CDH12: variants seen among roughly 807,000 people sequenced by gnomAD.
CDH12 encodes cadherin 12.
CDH12 carries 41 observed loss-of-function variants against 74.1 expected under a neutral mutation model. The ratio of observed to expected loss-of-function variants is 0.55; its 90% CI spans 0.43 to 0.72. The LOEUF (loss-of-function observed/expected upper bound fraction) is 0.72. Ranked by LOEUF, CDH12 falls within the 30% of genes least tolerant of loss-of-function variation. The pLI is 0.00. For synonymous variants in CDH12, 399 were observed against 355.0 expected (o/e 1.12, Z -1.39); for missense variants, 945 against 977.2 (o/e 0.97, Z 0.44).
chr5:22,085,856 C>T (rs1743028192), intron 4 of CDH12, among the ~76,000 whole-genome samples: 1 of 152,090 alleles, frequency 6.6e-6, no homozygotes, highest in Admixed American at 6.6e-5. Flanking sequence ...GTATGAAATG[C>T]ATTATAATCA....
chr5:22,032,336 G>A (rs1416606581), intron 5 of CDH12, among the ~76,000 whole-genome samples: 1 of 152,100 alleles, frequency 6.6e-6, no homozygotes, highest in Admixed American at 6.6e-5. Context: ...TATATTAAGT[G>A]TAGGCGATTC....
chr5:22,770,268 C>A (rs980856311), intron 1 of CDH12, among the ~76,000 whole-genome samples: 15 of 152,196 alleles, frequency 9.9e-5, no homozygotes, highest in Admixed American at 7.2e-4. Flanking sequence ...TACAGTAGGA[C>A]AACAGATTAA....
intron 12 of CDH12, among the ~76,000 whole-genome samples, chr5:21,764,546 G>T (rs1372395969): frequency 6.6e-6 from 1 of 151,358 alleles, no homozygotes; most frequent in Admixed American, 6.6e-5. Context: ...CTACTTGGGA[G>T]GCTGAGACAG....
chr5:21,920,667 T>TATTATAATAATAATAATA lies in CDH12; in HGVS notation c.526+54423_526+54424insTATTATTATTATTATAAT, dbSNP rs149078574. Among the ~76,000 whole-genome samples, 594 of 145,544 alleles carry TATTATAATAATAATAATA rather than the reference T, an allele frequency of 4.1e-3. 3 individuals carry two copies. Among genetic ancestry groups the TATTATAATAATAATAATA allele is most frequent in the African/African-American group, 0.014 (567 of 40,536 alleles). On this transcript the variant is annotated intron_variant, in intron 6 of 14. Transcript: ENST00000382254. The stretch of plus-strand genomic sequence containing the variant: ...TGCACATGTACCCCAGAACTTAAAG[T>TATTATAATAATAATAATA]ATGATAATAATAATAATAATAATCT...
At chr5:22,582,680 T>A (rs420907) in intron 1 of CDH12, among the ~76,000 whole-genome samples, 82,676 of 151,514 alleles carry the variant, frequency 0.55, 22,760 homozygotes, top group East Asian at 0.68. Flanking sequence ...TTTCCTTAAT[T>A]ATCAATGTCA....
At chr5:22,723,409 CAG>C (rs1744001869) in intron 1 of CDH12, among the ~76,000 whole-genome samples, 1 of 152,006 alleles carries the variant, frequency 6.6e-6, no homozygotes, top group African/African-American at 2.4e-5. Context: ...TAACAGAAGA[CAG>C]AGGATGAGTT....
intron 3 of CDH12, among the ~76,000 whole-genome samples, chr5:22,270,004 G>A (rs1018358277): frequency 2.6e-5 from 4 of 152,084 alleles, no homozygotes; most frequent in Non-Finnish European, 4.4e-5. Context: ...ACATATTAAT[G>A]TATTTTAAAG....
intron 3 of CDH12, among the ~76,000 whole-genome samples, chr5:22,238,572 G>A (rs1483741835): frequency 6.6e-6 from 1 of 152,138 alleles, no homozygotes; most frequent in East Asian, 1.9e-4. Flanking sequence ...ATCATGGAAA[G>A]AAAAGAAAAA....
In CDH12 at chr5:22,086,057, T is replaced by C. The variant is rs1580226037; in HGVS notation, c.-186-7195A>G. Among the ~76,000 whole-genome samples, 4 of 152,168 alleles carry C rather than the reference T, an allele frequency of 2.6e-5. No homozygotes were observed. The East Asian group carries it at 7.7e-4, about 29-fold the overall frequency. On this transcript the variant is annotated intron_variant, in intron 4 of 14. Coordinates refer to ENST00000382254, the MANE Select transcript of CDH12 (RefSeq NM_004061.5). ...GCTTTTTTGGTTCCAGTTAAACCTA[T>C]CCCAAAATGACATATGACTCTCTCT...
At chr5:22,060,982 T>G (rs1741150106) in intron 5 of CDH12, among the ~76,000 whole-genome samples, 1 of 152,154 alleles carries the variant, frequency 6.6e-6, no homozygotes, top group Non-Finnish European at 1.5e-5. Context: ...TTAAGCACAT[T>G]GTGCTATAGT....
At position 21,751,627 on chromosome 5, in the gene CDH12, TGTGTTTG is replaced by T; in HGVS notation, c.*103_*109del. On this transcript the variant is annotated 3_prime_UTR_variant, in exon 15 of 15. Transcript: ENST00000382254. ...GTCCCAGAGTGTGTGTGTGTGTGTGTGTGTTTGTGTGTGTGTGTGTGTGTGAGAGAGA... is the reference window on the plus strand; with the variant it reads ...GTCCCAGAGTGTGTGTGTGTGTGTGTTGTGTGTGTGTGTGTGTGAGAGAGA... 2 of 722,680 alleles carry T rather than the reference TGTGTTTG, an allele frequency of 2.8e-6. No individual in the cohort carries two copies. Among genetic ancestry groups the T allele is most frequent in the Admixed American group, 2.6e-5 (1 of 37,858 alleles). The allele number at this position is 722,680 out of a possible 1,614,324, so 44.8% of individuals were successfully genotyped here. A position where few individuals can be genotyped will look rare whatever the true frequency, so the allele number is the denominator to read the frequency against.
intron 2 of CDH12, among the ~76,000 whole-genome samples, chr5:22,410,573 C>A (rs941101967): frequency 6.6e-6 from 1 of 152,010 alleles, no homozygotes; most frequent in Non-Finnish European, 1.5e-5. Flanking sequence ...AAAAATAGAC[C>A]ATTTCCCCTG....
intron 5 of CDH12, among the ~76,000 whole-genome samples, chr5:22,002,890 T>C (rs990012810): frequency 6.6e-6 from 1 of 152,212 alleles, no homozygotes; most frequent in African/African-American, 2.4e-5. Context: ...AAAATGGATA[T>C]AAATATAAAT....
At chr5:22,493,131 A>C (rs1746956408) in intron 2 of CDH12, among the ~76,000 whole-genome samples, 1 of 152,066 alleles carries the variant, frequency 6.6e-6, no homozygotes, top group Non-Finnish European at 1.5e-5. Context: ...CTCATCGTGG[A>C]TTCCTCTCAG....
At chr5:22,629,093 G>A (rs368730792) in intron 1 of CDH12, among the ~76,000 whole-genome samples, 65 of 152,030 alleles carry the variant, frequency 4.3e-4, no homozygotes, top group African/African-American at 7.5e-4. Context: ...AGTTACAAAA[G>A]TGAATCAGTA....
chr5:21,869,230 A>T (rs1395010030), intron 6 of CDH12, among the ~76,000 whole-genome samples: 1 of 152,126 alleles, frequency 6.6e-6, no homozygotes, highest in Admixed American at 6.6e-5. Context: ...AATACAGAAG[A>T]TCCCTTAGGT....
rs369484556 is a variant in CDH12, at chr5:21,833,647, A to C, written c.814+8514T>G. ...TATATCATGTATCTCATATATATGC[A>C]TACAAATGATTCAAGGAATCAGCAC... On this transcript the variant is annotated intron_variant, in intron 8 of 14. Coordinates refer to ENST00000382254, the MANE Select transcript of CDH12 (RefSeq NM_004061.5). 4.7e-5 allele frequency among the ~76,000 whole-genome samples: 6 copies of C among 127,982 alleles called. No homozygotes were observed. The East Asian group carries it at 1.1e-3, about 24-fold the overall frequency. The allele number at this position is 127,982 out of a possible 152,430, so 84.0% of individuals were successfully genotyped here.
chr5:22,512,268 A>G (rs1736644768), intron 1 of CDH12, among the ~76,000 whole-genome samples: 1 of 152,180 alleles, frequency 6.6e-6, no homozygotes, highest in Non-Finnish European at 1.5e-5. Flanking sequence ...TTATCAGTAA[A>G]GAGGATATAT....
At chr5:21,882,189 T>C (rs1752387719) in intron 6 of CDH12, among the ~76,000 whole-genome samples, 1 of 152,238 alleles carries the variant, frequency 6.6e-6, no homozygotes, top group South Asian at 2.1e-4. Context: ...TAAGCAATGA[T>C]GCATCATGAT....
Sources: gnomAD v4.1 joint callset for allele counts (sites outside exome capture counted in the v4.1 genomes callset) on GRCh38, gnomAD v4.1.1 for gene constraint, MANE v1.5 for transcripts, NCBI Gene and HGNC (gene_info 2026-07-23, HGNC 2026-07-21) for gene names.